The following IMMP2L variants were observed in gnomAD, a reference collection of about 807,000 sequenced individuals.
The protein encoded by IMMP2L is mitochondrial inner membrane protease subunit 2.
A neutral mutation model predicts 19.3 loss-of-function variants in IMMP2L; 18 were observed. That is an observed-to-expected ratio of 0.93 (90% CI 0.64 to 1.38). The LOEUF is 1.38. Ranked by LOEUF, IMMP2L falls within the 40% of genes most tolerant of loss-of-function variation. The pLI is 0.00. For missense variants in IMMP2L, 233 were observed against 218.2 expected, an observed-to-expected ratio of 1.07 and a Z score of -0.43; for synonymous variants, 76 against 73.0, an observed-to-expected ratio of 1.04 and a Z score of -0.21.
chr7:110,854,626 T>C (rs1334302137), intron 5 of IMMP2L, among the ~76,000 whole-genome samples: 4 of 152,018 alleles, frequency 2.6e-5, no homozygotes, highest in Admixed American at 2.6e-4. Flanking sequence ...AGATAATTGA[T>C]ATGTGAGTAC....
At chr7:111,121,657 T>C (rs1800636215) in intron 3 of IMMP2L, among the ~76,000 whole-genome samples, 1 of 152,190 alleles carries the variant, frequency 6.6e-6, no homozygotes, top group Non-Finnish European at 1.5e-5. Flanking sequence ...TCAACCATTG[T>C]AGAAGACAGT....
intron 3 of IMMP2L, among the ~76,000 whole-genome samples, chr7:111,319,988 T>C (rs1377051544): frequency 6.6e-6 from 1 of 152,028 alleles, no homozygotes; most frequent in Non-Finnish European, 1.5e-5. Context: ...TAACTATTCA[T>C]TACTGTATAT....
At chr7:110,739,277 G>A (rs7806232) in intron 5 of IMMP2L, among the ~76,000 whole-genome samples, 32,755 of 152,004 alleles carry the variant, frequency 0.22, 3,626 homozygotes, top group South Asian at 0.32. Context: ...ATGGCAGAAT[G>A]TATAAGAATT....
chr7:111,175,410 G>A (rs1331562244), intron 3 of IMMP2L, among the ~76,000 whole-genome samples: 1 of 151,756 alleles, frequency 6.6e-6, no homozygotes, highest in Non-Finnish European at 1.5e-5. Flanking sequence ...ATGTAATATG[G>A]GGGGTAGGAG....
intron 3 of IMMP2L, among the ~76,000 whole-genome samples, chr7:111,129,150 G>T (rs1586473094): frequency 6.6e-6 from 1 of 152,106 alleles, no homozygotes; most frequent in East Asian, 1.9e-4. Context: ...AAGTATGCAT[G>T]TATTAAGGAG....
intron 5 of IMMP2L, among the ~76,000 whole-genome samples, chr7:110,842,488 G>A (rs868280976): frequency 1.3e-5 from 2 of 152,176 alleles, no homozygotes; most frequent in South Asian, 4.1e-4. Flanking sequence ...GTGCTACTGT[G>A]CTCTTTGCCA....
intron 1 of IMMP2L, among the ~76,000 whole-genome samples, chr7:111,547,513 C>T (rs1301121947): frequency 6.7e-6 from 1 of 150,372 alleles, no homozygotes. Context: ...ATACCCCCCC[C>T]CCCTTTTTAT....
intron 3 of IMMP2L, among the ~76,000 whole-genome samples, chr7:111,059,457 T>C (rs999863263): frequency 1.3e-5 from 2 of 152,184 alleles, no homozygotes; most frequent in African/African-American, 4.8e-5. Flanking sequence ...GTAAGCATTT[T>C]CCCCTCTATA....
chr7:111,300,186 T>A (rs998521783), intron 3 of IMMP2L, among the ~76,000 whole-genome samples: 3 of 152,144 alleles, frequency 2.0e-5, no homozygotes, highest in Admixed American at 2.0e-4. Context: ...CACTCCTGGA[T>A]AACATCCTGT....
intron 4 of IMMP2L, among the ~76,000 whole-genome samples, chr7:110,887,030 GT>G (rs895182143): frequency 2.0e-5 from 3 of 151,858 alleles, no homozygotes; most frequent in African/African-American, 4.8e-5. Flanking sequence ...AGATCTATTT[GT>G]TTTTTTAACA....
chr7:111,109,940 C>A (rs369156400), intron 3 of IMMP2L, among the ~76,000 whole-genome samples: 1 of 152,182 alleles, frequency 6.6e-6, no homozygotes. Context: ...TCAAGACCGG[C>A]CTGATCAATA....
At chr7:111,011,633 C>A (rs370728773) in intron 3 of IMMP2L, among the ~76,000 whole-genome samples, 2 of 152,250 alleles carry the variant, frequency 1.3e-5, no homozygotes, top group South Asian at 2.1e-4. Flanking sequence ...TGAGAGTTTG[C>A]AGCTTTGCTA....
At chr7:110,785,136 T>A (rs1247798384) in intron 5 of IMMP2L, among the ~76,000 whole-genome samples, 1 of 151,890 alleles carries the variant, frequency 6.6e-6, no homozygotes, top group East Asian at 1.9e-4. Context: ...GTGGTAGAAG[T>A]CAGAATGCTC....
At chr7:111,114,689 G>A (rs1454800568) in intron 3 of IMMP2L, among the ~76,000 whole-genome samples, 2 of 144,514 alleles carry the variant, frequency 1.4e-5, no homozygotes, top group Non-Finnish European at 3.0e-5. Context: ...TGAGTGAGCC[G>A]AGATCGCACC....
chr7:111,032,095 T>C (rs974914228), intron 3 of IMMP2L, among the ~76,000 whole-genome samples: 3 of 152,122 alleles, frequency 2.0e-5, no homozygotes, highest in East Asian at 3.9e-4. Context: ...GGCATGACCA[T>C]GCCTGGCTAA....
At chr7:111,315,168 C>T (rs967421629) in intron 3 of IMMP2L, among the ~76,000 whole-genome samples, 1 of 152,058 alleles carries the variant, frequency 6.6e-6, no homozygotes, top group Non-Finnish European at 1.5e-5. Context: ...TCTTATACAA[C>T]CAACCAGGAA....
Position 111,281,088 on chromosome 7 carries a change from G to GAGAAAGAGAGAA in IMMP2L, c.239+206149_239+206150insTTCTCTCTTTCT, listed in dbSNP as rs201293874. On this transcript the variant is annotated intron_variant, in intron 3 of 5. Coordinates refer to ENST00000405709, the MANE Select transcript of IMMP2L (RefSeq NM_032549.4). Reference sequence around the variant, plus strand: ...CTGAGAAAAGAAAGAAAGAAGGAAAGAGAGAGAAAGAGAGAAAGAGAGAAA... The same window carrying GAGAAAGAGAGAA: ...CTGAGAAAAGAAAGAAAGAAGGAAAGAGAAAGAGAGAAAGAGAGAAAGAGAGAAAGAGAGAAA... Among the ~76,000 whole-genome samples the GAGAAAGAGAGAA allele has an allele frequency of 3.6e-4, 13 of 35,800 alleles. 2 individuals carry two copies. The highest frequency in any genetic ancestry group is 1.2e-3 in the African/African-American group (9 of 7,590). 23.5% of individuals were successfully genotyped at this position (35,800 alleles called of 152,430 possible).
At chr7:111,049,339 T>C (rs964525369) in intron 3 of IMMP2L, among the ~76,000 whole-genome samples, 2 of 151,638 alleles carry the variant, frequency 1.3e-5, no homozygotes, top group African/African-American at 4.8e-5. Context: ...CACTGTGTTA[T>C]CCAGGATGGT....
At chr7:111,447,707 A>G (rs1012887303) in intron 3 of IMMP2L, among the ~76,000 whole-genome samples, 6 of 151,804 alleles carry the variant, frequency 4.0e-5, no homozygotes, top group South Asian at 4.2e-4. Flanking sequence ...ACACATAACA[A>G]TATTAACTTT....
Sources: gnomAD v4.1 joint callset for allele counts (sites outside exome capture counted in the v4.1 genomes callset) on GRCh38, gnomAD v4.1.1 for gene constraint, MANE v1.5 for transcripts, NCBI Gene and HGNC (gene_info 2026-07-23, HGNC 2026-07-21) for gene names.